Variants in TAMM41 observed in about 807,000 individuals in gnomAD.
The protein encoded by TAMM41 is phosphatidate cytidylyltransferase, mitochondrial.
Under a neutral mutation model 44.1 loss-of-function variants are expected in TAMM41, and 36 were observed. The ratio of observed to expected loss-of-function variants is 0.82; its 90% confidence interval spans 0.63 to 1.08. The LOEUF (loss-of-function observed/expected upper bound fraction) is 1.08. Ranked by LOEUF, TAMM41 falls within the 50% of genes least tolerant of loss-of-function variation. The pLI, the probability that TAMM41 is intolerant of heterozygous loss-of-function variation, is 0.00. For synonymous variants in TAMM41, 164 were observed against 153.1 expected, an observed-to-expected ratio of 1.07 and a Z score of -0.53; for missense variants, 417 against 404.3, an observed-to-expected ratio of 1.03 and a Z score of -0.27.
chr3:11,820,500 T>C (rs1450229776), intron 4 of TAMM41, among the ~76,000 whole-genome samples: 1 of 152,196 alleles, frequency 6.6e-6, no homozygotes, highest in Non-Finnish European at 1.5e-5. Flanking sequence ...CCGGGGCTTA[T>C]TTATGTCTGC....
intron 6 of TAMM41, chr3:11,808,579 A>G: frequency 2.0e-6 from 2 of 985,458 alleles, no homozygotes; most frequent in Non-Finnish European, 2.4e-6. Context: ...CTCAGTAAAT[A>G]TTTACTGAAT....
In TAMM41 at chr3:11,846,786, A is replaced by G; in HGVS notation, c.-150T>C. On this transcript the variant is annotated 5_prime_UTR_variant, in exon 1 of 8. Coordinates refer to ENST00000455809, the MANE Select transcript of TAMM41 (RefSeq NM_001284401.2). ...CTGAGTGTGGGGTGGGACTGCAAGC[A>G]CACGCAAGGATTGGGGCGTTGGGCC... 1 of 952,372 alleles carries G rather than the reference A, an allele frequency of 1.1e-6. No individual in the cohort carries two copies. The highest frequency in any genetic ancestry group is 1.6e-5 in the African/African-American group (1 of 61,622). 59.0% of individuals were successfully genotyped at this position (952,372 alleles called of 1,614,324 possible). A position where few individuals can be genotyped will look rare whatever the true frequency, so the allele number is the denominator to read the frequency against.
At chr3:11,827,267 GA>G (rs2078789413) in intron 4 of TAMM41, among the ~76,000 whole-genome samples, 1 of 151,400 alleles carries the variant, frequency 6.6e-6, no homozygotes, top group Non-Finnish European at 1.5e-5. Flanking sequence ...TGACTTCTAA[GA>G]AAAACTAGAG....
At chr3:11,742,346 A>ATTATATGG in the TAMM41 span, among the ~76,000 whole-genome samples, 1 of 150,298 alleles carries the variant, frequency 6.7e-6, no homozygotes, top group Non-Finnish European at 1.5e-5. Context: ...ACAGTATGCA[A>ATTATATGG]CCTTATAGGA....
the TAMM41 span, among the ~76,000 whole-genome samples, chr3:11,745,961 G>A: frequency 6.6e-6 from 1 of 152,164 alleles, no homozygotes; most frequent in Admixed American, 6.5e-5. Context: ...GCAAAGATCT[G>A]AAGAAATTGG....
At chr3:11,749,596 G>A in the TAMM41 span, among the ~76,000 whole-genome samples, 1 of 152,106 alleles carries the variant, frequency 6.6e-6, no homozygotes, top group Non-Finnish European at 1.5e-5. Flanking sequence ...TTATTTAGTT[G>A]TGTTCAACAC....
downstream of TAMM41, among the ~76,000 whole-genome samples, chr3:11,785,835 C>A (rs1306521133): frequency 2.0e-5 from 3 of 151,490 alleles, no homozygotes; most frequent in Admixed American, 6.6e-5. Flanking sequence ...TCCAGGCGGG[C>A]CTCAAACTCC....
downstream of TAMM41, among the ~76,000 whole-genome samples, chr3:11,788,334 G>A (rs188273355): frequency 5.9e-5 from 9 of 152,292 alleles, no homozygotes; most frequent in Middle Eastern, 6.8e-3. Flanking sequence ...CCATTTTGTC[G>A]CCCAGGCTGG....
downstream of TAMM41, chr3:11,790,382 A>G: frequency 1.1e-6 from 1 of 912,036 alleles, no homozygotes; most frequent in South Asian, 1.4e-5. Context: ...TAAAAAACCA[A>G]GTATTATGCA....
At chr3:11,829,919 G>A (rs2078915579) in intron 3 of TAMM41, 55 bp from the exon 4 acceptor site, 1 of 1,556,404 alleles carries the variant, frequency 6.4e-7, no homozygotes, top group Admixed American at 1.7e-5. Flanking sequence ...TATTGCTCAA[G>A]CATGGGTTAC....
the TAMM41 span, among the ~76,000 whole-genome samples, chr3:11,729,409 C>T: frequency 2.0e-5 from 3 of 151,740 alleles, no homozygotes; most frequent in African/African-American, 7.3e-5. Flanking sequence ...GGAAGCTTAC[C>T]GAGAATGAAT....
chr3:11,819,933 CAGA>C (rs914511661), intron 4 of TAMM41, among the ~76,000 whole-genome samples: 3 of 152,064 alleles, frequency 2.0e-5, no homozygotes, highest in Admixed American at 2.0e-4. Context: ...CTTAATTTTA[CAGA>C]TGAGGAGATG....
At chr3:11,844,925 G>A (rs905041057) in intron 1 of TAMM41, 3 of 456,616 alleles carry the variant, frequency 6.6e-6, no homozygotes, top group Admixed American at 4.7e-5. Flanking sequence ...AGGGGCACAG[G>A]AGGGAGAAAT....
chr3:11,771,059 C>A, the TAMM41 span, among the ~76,000 whole-genome samples: 17 of 152,164 alleles, frequency 1.1e-4, no homozygotes, highest in Admixed American at 1.1e-3. Context: ...GGACCCAGGT[C>A]CCTCCCTGCT....
the TAMM41 span, among the ~76,000 whole-genome samples, chr3:11,738,440 C>G: frequency 6.6e-6 from 1 of 152,136 alleles, no homozygotes. Context: ...ATACATGGTG[C>G]TAGTTATTGT....
chr3:11,761,961 A>AG, the TAMM41 span, among the ~76,000 whole-genome samples: 3 of 150,272 alleles, frequency 2.0e-5, no homozygotes, highest in African/African-American at 7.4e-5. Context: ...AAAAAAAAAA[A>AG]AAAAAGAAAG....
the TAMM41 span, among the ~76,000 whole-genome samples, chr3:11,734,346 TGA>T: frequency 6.6e-6 from 1 of 152,172 alleles, no homozygotes; most frequent in Non-Finnish European, 1.5e-5. Context: ...GTGAGCTGTC[TGA>T]GAGACATCTG....
chr3:11,761,981 A>AAAAAAAG, the TAMM41 span, among the ~76,000 whole-genome samples: 1 of 151,146 alleles, frequency 6.6e-6, no homozygotes, highest in South Asian at 2.1e-4. Context: ...GAAAGAAAAG[A>AAAAAAAG]AAAAAAGAAA....
intron 7 of TAMM41, among the ~76,000 whole-genome samples, chr3:11,804,891 G>A (rs899826240): frequency 6.7e-6 from 1 of 149,778 alleles, no homozygotes; most frequent in African/African-American, 2.5e-5. Flanking sequence ...TTGAGACAGG[G>A]TCTCACTCTG....
Sources: allele counts gnomAD v4.1 joint callset (sites outside exome capture counted in the v4.1 genomes callset), GRCh38; gene constraint gnomAD v4.1.1; transcripts MANE v1.5; gene names NCBI Gene and HGNC (gene_info 2026-07-23, HGNC 2026-07-21).